TTN: variants seen among roughly 807,000 people sequenced by gnomAD.
TTN encodes the protein connectin.
Under a neutral mutation model 3,223.0 loss-of-function variants are expected in TTN, and 1,525 were observed. The observed-to-expected ratio is 0.47, with a 90% CI of 0.45 to 0.49. The LOEUF (loss-of-function observed/expected upper bound fraction) is 0.49. Among genes scored for constraint, TTN ranks in the 20% least tolerant of loss-of-function variants. The probability of loss-of-function intolerance (pLI) is 0.00; values close to 1 mark genes in which losing one functional copy is unlikely to be tolerated. For missense variants in TTN, 40,786 were observed against 43,424.0 expected, an observed-to-expected ratio of 0.94 and a Z score of 5.40; for synonymous variants, 14,094 against 15,161.0, an observed-to-expected ratio of 0.93 and a Z score of 5.17.
intron 10 of TTN, 40 bp from the exon 11 acceptor site, chr2:178,790,885 A>T (rs780626756): frequency 6.2e-7 from 1 of 1,611,388 alleles, no homozygotes; most frequent in South Asian, 1.1e-5. Context: ...GTTTCAAAAG[A>T]TACAAAAGCA....
intron 117 of TTN, among the ~76,000 whole-genome samples, chr2:178,694,266 C>T (rs1285380014): frequency 6.6e-6 from 1 of 152,024 alleles, no homozygotes; most frequent in East Asian, 1.9e-4. Flanking sequence ...TGTGCTTTTC[C>T]AAATCTGTTA....
At chr2:178,719,945 T>TA in intron 81 of TTN, 38 bp downstream of exon 81, 3 of 1,551,620 alleles carry the variant, frequency 1.9e-6, no homozygotes, top group Non-Finnish European at 2.6e-6. Flanking sequence ...ATGGATCAAG[T>TA]AAATTGATTT....
At position 178,561,723 on chromosome 2, in the gene TTN, T is replaced by C; in HGVS notation, c.84409A>G (p.Lys28137Glu). 1.1e-5 allele frequency: 17 copies of C among 1,611,902 alleles called. No homozygotes were observed. The highest frequency in any genetic ancestry group is 1.4e-5 in the Non-Finnish European group (17 of 1,178,570). The part of the protein sequence containing the change: ...FRVCAENRYG[K>E]SSYSESSAVV... The stretch of plus-strand genomic sequence containing the variant: ...GCTGAAGATTCACTGTAGGAGCTCT[T>C]TCCATAGCGGTTTTCTGCACAAACA... Residue 28137 changes from lysine (K) to glutamate (E), a missense_variant, in exon 326 of 363, where the codon AAG becomes GAG. Physicochemically the swap from Lys to Glu is moderately conservative, Grantham distance 56. Coordinates refer to ENST00000589042, the MANE Select transcript of TTN (RefSeq NM_001267550.2).
At chr2:178,788,103 T>C (rs973353673) in intron 13 of TTN, among the ~76,000 whole-genome samples, 1 of 152,086 alleles carries the variant, frequency 6.6e-6, no homozygotes, top group African/African-American at 2.4e-5. Flanking sequence ...AGAAGCACAA[T>C]TCACGACGGA....
In TTN at chr2:178,608,744, A is replaced by G; in HGVS notation, c.52267T>C (p.Ser17423Pro). Residue 17423 changes from serine to proline, a missense_variant, in exon 274 of 363, where the codon TCA becomes CCA. Coordinates refer to ENST00000589042, the MANE Select transcript of TTN (RefSeq NM_001267550.2). ...KPDSEWIVVT[S>P]TLRHCKYSVT... ...GAATATTTGCAATGTCTAAGTGTTGAAGTGACAACAATCCATTCTGAGTCG... is the reference window on the plus strand; with the variant it reads ...GAATATTTGCAATGTCTAAGTGTTGGAGTGACAACAATCCATTCTGAGTCG... 6.2e-7 allele frequency: 1 copy of G among 1,612,656 alleles called. No individual in the cohort carries two copies. The highest frequency in any genetic ancestry group is 8.5e-7 in the Non-Finnish European group (1 of 1,179,224).
chr2:178,570,708 T>C lies in TTN; in HGVS notation c.75424A>G (p.Thr25142Ala), dbSNP rs1707881545. The change falls in exon 326 of 363, where the codon ACC becomes GCC. Residue 25142 changes from threonine (T) to alanine (A), a missense_variant. Transcript: ENST00000589042. ...DADIYGKPIPTIQWIKGDQEL... is the reference protein window; with the variant it reads ...DADIYGKPIPAIQWIKGDQEL... ...TGATCACCTTTTATCCACTGAATGG[T>C]TGGTATTGGTTTGCCATAAATATCT... 6.2e-7 allele frequency: 1 copy of C among 1,613,594 alleles called. No homozygotes were observed. Among genetic ancestry groups the C allele is most frequent in the Non-Finnish European group, 8.5e-7 (1 of 1,179,606 alleles).
In TTN at chr2:178,582,220, G is replaced by A. The variant is rs575400063; in HGVS notation, c.66161-12C>T. On this transcript the variant is annotated splice_polypyrimidine_tract_variant and intron_variant, in intron 314 of 362. Coordinates refer to ENST00000589042, the MANE Select transcript of TTN (RefSeq NM_001267550.2). Reference sequence around the variant, plus strand: ...GCGTCCTGGTGGGTCTGCAGAAATTGATTGAAAAGTTAATTTCCCAGGCTA... The same window carrying A: ...GCGTCCTGGTGGGTCTGCAGAAATTAATTGAAAAGTTAATTTCCCAGGCTA... 1 of 1,584,832 alleles carries A rather than the reference G, an allele frequency of 6.3e-7. No homozygotes were observed. Among genetic ancestry groups the A allele is most frequent in the Non-Finnish European group, 8.5e-7 (1 of 1,171,792 alleles).
At chr2:178,730,864 A>G in intron 60 of TTN, 61 bp downstream of exon 60, 1 of 1,527,672 alleles carries the variant, frequency 6.5e-7, no homozygotes, top group South Asian at 1.3e-5. Context: ...TTTTTTTTAA[A>G]TTTTAAGGGA....
In TTN at chr2:178,578,917, C is replaced by T. The variant is rs1461683344; in HGVS notation, c.68113G>A (p.Val22705Ile). 2.5e-6 allele frequency: 4 copies of T among 1,613,308 alleles called. No homozygotes were observed. In the African/African-American group the frequency reaches 4.0e-5, roughly 16 times the overall value. Residue 22705 changes from valine (V) to isoleucine (I), a missense_variant, in exon 320 of 363, where the codon GTA (valine) becomes ATA (isoleucine). Val to Ile is a conservative substitution (Grantham distance 29). Coordinates refer to ENST00000589042, the MANE Select transcript of TTN (RefSeq NM_001267550.2). Reference protein sequence around the residue: ...ASAVQKTTFRVTRLHEGMEYT... With the variant: ...ASAVQKTTFRITRLHEGMEYT... ...TCCATGCCCTCATGAAGTCTGGTTACTCTAAAGGTGGTTTTCTGGACAGCT... is the reference window on the plus strand; with the variant it reads ...TCCATGCCCTCATGAAGTCTGGTTATTCTAAAGGTGGTTTTCTGGACAGCT...
At position 178,630,862 on chromosome 2, in the gene TTN, G is replaced by C. The variant is rs1293270234; in HGVS notation, c.44096C>G (p.Ser14699Cys). 1.9e-6 allele frequency: 3 copies of C among 1,613,382 alleles called. No individual in the cohort carries two copies. Among genetic ancestry groups the C allele is most frequent in the Non-Finnish European group, 2.5e-6 (3 of 1,179,516 alleles). Reference protein sequence around the residue: ...TETARFETEISEDDIHANWKL... With the variant: ...TETARFETEICEDDIHANWKL... ...CCAGTTGGCGTGGATATCATCTTCA[G>C]AGATTTCGGTTTCAAAGCGTGCTGT... Residue 14699 changes from serine (S) to cysteine (C), a missense_variant, in exon 238 of 363, where the codon TCT becomes TGT. By Grantham distance (112) the Ser-to-Cys change is moderately radical (BLOSUM62 -1). Coordinates refer to ENST00000589042, the MANE Select transcript of TTN (RefSeq NM_001267550.2).
intron 127 of TTN, among the ~76,000 whole-genome samples, 186 bp from the exon 128 acceptor site, chr2:178,685,784 T>C (rs547540543): frequency 1.3e-5 from 2 of 152,272 alleles, no homozygotes; most frequent in East Asian, 1.9e-4. Context: ...ATGAAGAGTA[T>C]GGGAAATGGG....
At chr2:178,783,165 C>T in intron 17 of TTN, 101 bp from the exon 18 acceptor site, 4 of 1,353,968 alleles carry the variant, frequency 3.0e-6, no homozygotes, top group Non-Finnish European at 4.1e-6. Flanking sequence ...ATTTCAACTG[C>T]CACAAAATGG....
At position 178,631,039 on chromosome 2, in the gene TTN, A is replaced by G. The variant is rs2059739677; in HGVS notation, c.44009T>C (p.Ile14670Thr). 2.5e-6 allele frequency: 4 copies of G among 1,612,834 alleles called. No individual in the cohort carries two copies. The Admixed American group carries it at 5.0e-5, about 20-fold the overall frequency. The change falls in exon 237 of 363, where the codon ATT becomes ACT. Residue 14670 changes from isoleucine (I) to threonine (T), a missense_variant. Transcript: ENST00000589042. ...ACTCATGGAAATTTCCTTACCCTCA[A>G]TGTCAAGTTTTCCTGAGGTCTTATC... ...GTDKTSGKLD[I>T]EDREIKLVRP...
chr2:178,800,687 G>A lies in TTN; in HGVS notation c.296-5C>T, dbSNP rs374923808. 31 of 1,603,628 alleles carry A rather than the reference G, an allele frequency of 1.9e-5. No homozygotes were observed. The highest frequency in any genetic ancestry group is 4.0e-5 in the African/African-American group (3 of 74,558). On this transcript the variant is annotated splice_polypyrimidine_tract_variant and splice_region_variant and intron_variant, in intron 3 of 362. Coordinates refer to ENST00000589042, the MANE Select transcript of TTN (RefSeq NM_001267550.2). Reference sequence around the variant, plus strand: ...AGTTGGGTGGTGCTGTCTCAGCTGCGGGGACAAGAGAACAAAGTCAAGAGT... The same window carrying A: ...AGTTGGGTGGTGCTGTCTCAGCTGCAGGGACAAGAGAACAAAGTCAAGAGT...
Position 178,677,759 on chromosome 2 carries a change from G to T in TTN, c.34153C>A (p.Leu11385Ile). 2 of 1,608,724 alleles carry T rather than the reference G, an allele frequency of 1.2e-6. No individual in the cohort carries two copies. The highest frequency in any genetic ancestry group is 1.1e-5 in the South Asian group (1 of 90,212). ...GGTGGAATTTCCTCTTCTTCAGGTAGAACTTCCTCTTCTTCAGGTAGAACT... is the reference window on the plus strand; with the variant it reads ...GGTGGAATTTCCTCTTCTTCAGGTATAACTTCCTCTTCTTCAGGTAGAACT... ...EEVLPEEEEV[L>I]PEEEEIPPEE... The change falls in exon 146 of 363, where the codon CTA becomes ATA. Residue 11385 changes from leucine to isoleucine, a missense_variant. Physicochemically the swap from Leu to Ile is conservative, Grantham distance 5. Transcript: ENST00000589042.
chr2:178,591,791 T>G lies in TTN; in HGVS notation c.60028A>C (p.Thr20010Pro). 6.2e-7 allele frequency: 1 copy of G among 1,613,314 alleles called. No homozygotes were observed. ...TCTTGATATTCTACCAAATATCCAGTGATTGGAGAACCACCATCACGATCC... is the reference window on the plus strand; with the variant it reads ...TCTTGATATTCTACCAAATATCCAGGGATTGGAGAACCACCATCACGATCC... ...KPDRDGGSPI[T>P]GYLVEYQEEG... Residue 20010 changes from threonine to proline, a missense_variant, in exon 303 of 363, where the codon ACT (threonine) becomes CCT (proline). Thr to Pro is a conservative substitution (Grantham distance 38, BLOSUM62 -1). Coordinates refer to ENST00000589042, the MANE Select transcript of TTN (RefSeq NM_001267550.2).
intron 350 of TTN, 37 bp from the exon 351 acceptor site, chr2:178,540,407 CT>C: frequency 6.5e-7 from 1 of 1,530,208 alleles, no homozygotes; most frequent in South Asian, 1.2e-5. Flanking sequence ...GTTAAAGTTG[CT>C]GCAAAGTTGA....
At chr2:178,766,717 G>T in intron 40 of TTN, 105 bp from the exon 41 acceptor site, 1 of 831,424 alleles carries the variant, frequency 1.2e-6, no homozygotes, top group Non-Finnish European at 2.0e-6. Flanking sequence ...AATGGCATGT[G>T]AAACCAATAT....
In TTN at chr2:178,735,725, A is replaced by G. The variant is rs1470683370; in HGVS notation, c.14721T>C (p.Leu4907=). ...TTCTGTCTTCATCTACTTGGCACTC[A>G]AGGTGGACCTTCTTATTGATAGCGG... ...VQSAINKKVH[L]ECQVDEDRKV... Residue 4907 remains leucine (L), a synonymous_variant, in exon 50 of 363, where the codon CTT becomes CTC. Transcript: ENST00000589042. The G allele has an allele frequency of 6.2e-7, 1 of 1,613,664 alleles. No homozygotes were observed. The highest frequency in any genetic ancestry group is 1.7e-5 in the Admixed American group (1 of 59,974).
Sources: gnomAD v4.1 joint callset for allele counts (sites outside exome capture counted in the v4.1 genomes callset) on GRCh38, gnomAD v4.1.1 for gene constraint, MANE v1.5 for transcripts, NCBI Gene and HGNC (gene_info 2026-07-23, HGNC 2026-07-21) for gene names.